The following PTPRN2 variants were observed in gnomAD, a reference collection of about 807,000 sequenced individuals.
The protein encoded by PTPRN2 is protein tyrosine phosphatase receptor type N2, also known as receptor-type tyrosine-protein phosphatase N2.
PTPRN2 carries 74 observed loss-of-function variants against 118.8 expected under a neutral mutation model. The observed-to-expected ratio is 0.62, with a 90% CI of 0.52 to 0.76. The LOEUF (loss-of-function observed/expected upper bound fraction) is 0.76, where lower values mean the gene tolerates loss of function less well. PTPRN2 is among the 30% of genes least tolerant of loss of function. PTPRN2 has a pLI of 0.00. For synonymous variants in PTPRN2, 641 were observed against 608.0 expected (o/e 1.05, Z -0.80); for missense variants, 1,481 against 1,394.4 (o/e 1.06, Z -0.99).
Position 157,817,535 on chromosome 7 carries a change from C to G in PTPRN2, c.1788+81138G>C, listed in dbSNP as rs536928493. On this transcript the variant is annotated intron_variant, in intron 12 of 22. Transcript: ENST00000389418. ...TCATCCCATCCAGTCCTCCCCACGTCCTCAGGTGGCCAAAGACCACATTAC... is the reference window on the plus strand; with the variant it reads ...TCATCCCATCCAGTCCTCCCCACGTGCTCAGGTGGCCAAAGACCACATTAC... Among the ~76,000 whole-genome samples the G allele has an allele frequency of 1.3e-3, 201 of 152,326 alleles. 2 individuals are homozygous for G. The highest frequency in any genetic ancestry group is 1.2e-3 in the Non-Finnish European group (80 of 68,040).
intron 12 of PTPRN2, among the ~76,000 whole-genome samples, chr7:157,834,805 C>T (rs555999315): frequency 7.9e-5 from 12 of 152,326 alleles, no homozygotes; most frequent in African/African-American, 1.2e-4. Flanking sequence ...CATGAGGCTA[C>T]GGGGCTTGTT....
intron 21 of PTPRN2, among the ~76,000 whole-genome samples, chr7:157,556,133 C>T (rs747346674): frequency 3.9e-5 from 6 of 152,200 alleles, no homozygotes; most frequent in Admixed American, 1.3e-4. Context: ...GTGCCCCACA[C>T]GGTTCAAGCC....
chr7:158,394,716 A>C (rs10949723), intron 2 of PTPRN2, among the ~76,000 whole-genome samples: 7 of 152,224 alleles, frequency 4.6e-5, no homozygotes, highest in African/African-American at 9.6e-5. Context: ...AGCTTCCAGC[A>C]TTCAGGACGG....
chr7:157,805,997 G>C (rs1805607874), intron 12 of PTPRN2, among the ~76,000 whole-genome samples: 1 of 152,196 alleles, frequency 6.6e-6, no homozygotes, highest in Non-Finnish European at 1.5e-5. Context: ...TGCTGATGCT[G>C]AGTGCACCTG....
At chr7:158,448,271 G>A (rs997857742) in intron 2 of PTPRN2, among the ~76,000 whole-genome samples, 3 of 152,178 alleles carry the variant, frequency 2.0e-5, no homozygotes, top group East Asian at 1.9e-4. Flanking sequence ...AAATCAGAAC[G>A]GTAACATTAT....
intron 10 of PTPRN2, among the ~76,000 whole-genome samples, chr7:158,098,274 C>G (rs1224157199): frequency 2.6e-5 from 4 of 152,186 alleles, no homozygotes; most frequent in Non-Finnish European, 5.9e-5. Context: ...GGGCAGGGGA[C>G]CCGCAAAGGA....
intron 10 of PTPRN2, among the ~76,000 whole-genome samples, chr7:158,087,856 T>C (rs201958306): frequency 3.7e-5 from 1 of 27,296 alleles, no homozygotes; most frequent in Non-Finnish European, 1.6e-4. Flanking sequence ...CTTCCCCTGA[T>C]GAAGGAGGGA....
chr7:158,301,593 A>C (rs928868732), intron 3 of PTPRN2, among the ~76,000 whole-genome samples: 1 of 152,200 alleles, frequency 6.6e-6, no homozygotes, highest in Non-Finnish European at 1.5e-5. Flanking sequence ...AGTACTGATA[A>C]GCAAAGTGCA....
intron 21 of PTPRN2, among the ~76,000 whole-genome samples, chr7:157,553,497 G>A (rs221275): frequency 0.94 from 143,574 of 152,218 alleles, 67,786 homozygotes; most frequent in Middle Eastern, 0.99. Flanking sequence ...CACATAAAAT[G>A]TGATGGATAA....
chr7:158,469,122 T>TGGATCAACAGAATGCACACCCA (rs1301344649), intron 2 of PTPRN2, among the ~76,000 whole-genome samples: 14 of 151,676 alleles, frequency 9.2e-5, no homozygotes, highest in South Asian at 4.2e-4. Flanking sequence ...ATCAACAGTG[T>TGGATCAACAGAATGCACACCCA]CAGGCTTTCA....
At chr7:158,370,210 C>T (rs192776479) in intron 2 of PTPRN2, among the ~76,000 whole-genome samples, 1 of 150,660 alleles carries the variant, frequency 6.6e-6, no homozygotes, top group African/African-American at 2.4e-5. Context: ...GGCCGAGGCA[C>T]ACCGATCACC....
chr7:157,542,520 T>A (rs1357638283), intron 22 of PTPRN2, among the ~76,000 whole-genome samples: 1 of 150,512 alleles, frequency 6.6e-6, no homozygotes, highest in Non-Finnish European at 1.5e-5. Flanking sequence ...CCAGTGCTAA[T>A]CCTGCAGAGC....
chr7:158,522,615 T>C (rs1315213516), intron 1 of PTPRN2, among the ~76,000 whole-genome samples: 1 of 152,208 alleles, frequency 6.6e-6, no homozygotes, highest in Non-Finnish European at 1.5e-5. Context: ...CAGATGCACT[T>C]ACAACATGCA....
Position 158,525,296 on chromosome 7 carries a change from C to T in PTPRN2, c.113-35511G>A, listed in dbSNP as rs1213042774. 1.3e-5 allele frequency among the ~76,000 whole-genome samples: 2 copies of T among 152,194 alleles called. No individual in the cohort carries two copies. Among genetic ancestry groups the T allele is most frequent in the African/African-American group, 2.4e-5 (1 of 41,442 alleles). On this transcript the variant is annotated intron_variant, in intron 1 of 22. Transcript: ENST00000389418. This position sits in a 1 kb window ranked among gnomAD's most constrained non-coding sequence, Gnocchi z 4.1. ...CTGGGCATCTGCCAAGGAGAACACA[C>T]GGCCCCCTAATGTGCAACAAAACCG...
chr7:158,322,893 C>T (rs1269696876), intron 2 of PTPRN2, among the ~76,000 whole-genome samples: 1 of 152,224 alleles, frequency 6.6e-6, no homozygotes, highest in Non-Finnish European at 1.5e-5. Flanking sequence ...GTAAACAGAG[C>T]AGCCCCAACC....
intron 1 of PTPRN2, among the ~76,000 whole-genome samples, chr7:158,564,382 G>A (rs1363073219): frequency 1.3e-5 from 2 of 152,370 alleles, no homozygotes; most frequent in South Asian, 2.1e-4. Flanking sequence ...ATTTTGTGAT[G>A]GATACAGCCA....
At chr7:158,482,661 G>A (rs1030651691) in intron 2 of PTPRN2, among the ~76,000 whole-genome samples, 9 of 152,088 alleles carry the variant, frequency 5.9e-5, no homozygotes, top group East Asian at 1.9e-4. Context: ...TCACTTTATC[G>A]TCATATTTGC....
chr7:157,945,446 C>T (rs997555101), intron 11 of PTPRN2, among the ~76,000 whole-genome samples: 1 of 152,160 alleles, frequency 6.6e-6, no homozygotes, highest in Admixed American at 6.5e-5. Context: ...ATGTATCTTT[C>T]CCCGTGGATG....
At chr7:158,270,963 T>C (rs11770503) in intron 3 of PTPRN2, among the ~76,000 whole-genome samples, 687 of 3,406 alleles carry the variant, frequency 0.2, 84 homozygotes, top group African/African-American at 0.34. Flanking sequence ...GGACCACCCC[T>C]CCACCTGGAC....
Sources: allele counts gnomAD v4.1 joint callset (sites outside exome capture counted in the v4.1 genomes callset), GRCh38; gene constraint gnomAD v4.1.1; non-coding constraint Gnocchi (gnomAD v3.1); transcripts MANE v1.5; gene names NCBI Gene and HGNC (gene_info 2026-07-23, HGNC 2026-07-21).